CEP126: variants seen among roughly 807,000 people sequenced by gnomAD.
The protein encoded by CEP126 is centrosomal protein 126.
In CEP126, 74 loss-of-function variants were observed where a neutral mutation model predicts 107.8. That is an observed-to-expected ratio of 0.69 (90% CI 0.57 to 0.83). The LOEUF is 0.83. Among genes scored for constraint, CEP126 ranks in the 40% least tolerant of loss-of-function variants. The pLI is 0.00. For synonymous variants in CEP126, 449 were observed against 446.0 expected (o/e 1.01, Z -0.08); for missense variants, 1,237 against 1,281.9 (o/e 0.96, Z 0.53).
chr11:101,994,041 C>T (rs1387627153), intron 10 of CEP126, among the ~76,000 whole-genome samples: 2 of 152,132 alleles, frequency 1.3e-5, no homozygotes, highest in Non-Finnish European at 1.5e-5. Context: ...CGAGACCAGC[C>T]TGGCCAACAT....
intron 2 of CEP126, among the ~76,000 whole-genome samples, chr11:101,927,091 C>G (rs1190917733): frequency 6.6e-6 from 1 of 152,146 alleles, no homozygotes; most frequent in Non-Finnish European, 1.5e-5. Flanking sequence ...TACTTGAGGT[C>G]AGGAGTTCAA....
At chr11:101,926,721 T>C (rs1299541614) in intron 2 of CEP126, among the ~76,000 whole-genome samples, 1 of 152,222 alleles carries the variant, frequency 6.6e-6, no homozygotes, top group Non-Finnish European at 1.5e-5. Flanking sequence ...AGAAATGGAA[T>C]TCTTGTAGAT....
At chr11:101,971,021 G>T (rs1247926335) in intron 6 of CEP126, among the ~76,000 whole-genome samples, 1 of 152,084 alleles carries the variant, frequency 6.6e-6, no homozygotes, top group Non-Finnish European at 1.5e-5. Context: ...TGTCACCCGG[G>T]CTGGAGTGTG....
chr11:101,978,757 A>G (rs1016839329), intron 7 of CEP126, among the ~76,000 whole-genome samples: 2 of 152,194 alleles, frequency 1.3e-5, no homozygotes, highest in African/African-American at 4.8e-5. Context: ...GAGGTCATTC[A>G]CAACAAAATT....
At chr11:101,944,590 G>T (rs555060813) in intron 3 of CEP126, among the ~76,000 whole-genome samples, 180 bp downstream of exon 3, 1 of 152,296 alleles carries the variant, frequency 6.6e-6, no homozygotes, top group East Asian at 1.9e-4. Flanking sequence ...TTAATTGAGA[G>T]AATATTGTTG....
intron 6 of CEP126, among the ~76,000 whole-genome samples, chr11:101,970,353 A>G (rs1941110990): frequency 6.6e-6 from 1 of 152,192 alleles, no homozygotes; most frequent in South Asian, 2.1e-4. Flanking sequence ...CACAATAAAA[A>G]TGCATTTTCT....
chr11:101,991,193 TAAAC>T (rs535319518), intron 9 of CEP126, among the ~76,000 whole-genome samples: 56 of 151,944 alleles, frequency 3.7e-4, no homozygotes, highest in East Asian at 3.5e-3. Flanking sequence ...AATAAATAAA[TAAAC>T]AAACAGCTCA....
At chr11:101,964,647 A>G (rs966719869) in intron 6 of CEP126, among the ~76,000 whole-genome samples, 3 of 141,238 alleles carry the variant, frequency 2.1e-5, no homozygotes, top group Admixed American at 2.1e-4. Context: ...TAAAAAAAAA[A>G]AACAACAACA....
At chr11:101,995,079 T>G (rs551163233) in intron 10 of CEP126, among the ~76,000 whole-genome samples, 111 of 152,284 alleles carry the variant, frequency 7.3e-4, no homozygotes, top group African/African-American at 2.4e-3. Flanking sequence ...TGTGTCCATG[T>G]GTTCTCATTG....
intron 2 of CEP126, among the ~76,000 whole-genome samples, chr11:101,924,394 A>C (rs977024423): frequency 3.9e-5 from 6 of 151,950 alleles, no homozygotes; most frequent in Non-Finnish European, 7.4e-5. Flanking sequence ...GTCCACTTAC[A>C]TTGTGGTCAC....
In CEP126 at chr11:101,969,345, T is replaced by A. The variant is rs546023708; in HGVS notation, c.2845+5465T>A. 2.1e-3 allele frequency among the ~76,000 whole-genome samples: 318 copies of A among 152,284 alleles called. 2 individuals are homozygous for A. The highest frequency in any genetic ancestry group is 6.0e-3 in the South Asian group (29 of 4,824). On this transcript the variant is annotated intron_variant, in intron 6 of 10. Coordinates refer to ENST00000263468, the MANE Select transcript of CEP126 (RefSeq NM_020802.4). ...CAACAATGATACTTTTTAAATAACA[T>A]TTAGAAATGTAAATTCATGGGAATA...
chr11:101,963,989 T>C (rs1941027699), intron 6 of CEP126, 109 bp downstream of exon 6: 2 of 699,574 alleles, frequency 2.9e-6, no homozygotes, highest in South Asian at 4.0e-5. Flanking sequence ...AATATTAATA[T>C]TAAACAATAG....
chr11:101,915,389 G>T lies in CEP126; in HGVS notation c.105G>T (p.Gly35=), dbSNP rs1473005365. ...RAPLGPRESG[G]HHRPGSYLDM... ...CCCTCGGCCCTCGGGAGAGCGGCGG[G>T]CATCACCGACCTGGCTCTTACCTGT... Residue 35 remains glycine (G), a synonymous_variant, in exon 1 of 11, where the codon GGG becomes GGT. Transcript: ENST00000263468. The T allele has an allele frequency of 1.9e-6, 3 of 1,613,486 alleles. No individual in the cohort carries two copies. Among genetic ancestry groups the T allele is most frequent in the Non-Finnish European group, 2.5e-6 (3 of 1,179,830 alleles).
At chr11:101,955,799 C>T in intron 4 of CEP126, 1 of 447,442 alleles carries the variant, frequency 2.2e-6, no homozygotes, top group South Asian at 1.6e-5. Flanking sequence ...CAGATCCATT[C>T]CTGCCTGTCC....
chr11:101,961,063 T>C (rs1334033545), intron 5 of CEP126, among the ~76,000 whole-genome samples: 1 of 152,114 alleles, frequency 6.6e-6, no homozygotes, highest in Non-Finnish European at 1.5e-5. Flanking sequence ...ACTACTATGC[T>C]AAACCTCCAA....
intron 4 of CEP126, chr11:101,956,140 T>TCC (rs1391531974): frequency 2.2e-6 from 1 of 456,442 alleles, no homozygotes; most frequent in Non-Finnish European, 4.4e-6. Context: ...CTCCAATCAT[T>TCC]CCTGACCCTG....
At chr11:101,927,672 G>A (rs1940433209) in intron 2 of CEP126, among the ~76,000 whole-genome samples, 1 of 152,062 alleles carries the variant, frequency 6.6e-6, no homozygotes, top group African/African-American at 2.4e-5. Flanking sequence ...AACCTTTGAG[G>A]ATTGACTTTT....
At position 101,987,012 on chromosome 11, in the gene CEP126, C is replaced by T. The variant is rs2137131490; in HGVS notation, c.3215C>T (p.Ser1072Phe). The change falls in exon 9 of 11, where the codon TCC (serine) becomes TTC (phenylalanine). Residue 1072 changes from serine (S) to phenylalanine (F), a missense_variant. Coordinates refer to ENST00000263468, the MANE Select transcript of CEP126 (RefSeq NM_020802.4). ...LSAEEQKILESLNDLSERLHY... is the reference protein window; with the variant it reads ...LSAEEQKILEFLNDLSERLHY... Reference sequence around the variant, plus strand: ...GCTGAAGAACAGAAGATCCTAGAGTCCCTTAATGATCTCAGTGAAAGACTA... The same window carrying T: ...GCTGAAGAACAGAAGATCCTAGAGTTCCTTAATGATCTCAGTGAAAGACTA... 6.2e-7 allele frequency: 1 copy of T among 1,611,952 alleles called. No individual in the cohort carries two copies. The highest frequency in any genetic ancestry group is 2.2e-5 in the East Asian group (1 of 44,778).
chr11:101,997,927 T>G lies in CEP126; in HGVS notation c.*284T>G. The stretch of plus-strand genomic sequence containing the variant: ...ATACATGCCACAAGGATGAAGCTTG[T>G]GAGTAGAGCAAACAAACGTTTTTCC... On this transcript the variant is annotated 3_prime_UTR_variant, in exon 11 of 11. Transcript: ENST00000263468. The G allele has an allele frequency of 3.2e-6, 1 of 317,416 alleles. No individual in the cohort carries two copies. Among genetic ancestry groups the G allele is most frequent in the Non-Finnish European group, 5.8e-6 (1 of 173,064 alleles). 19.7% of individuals were successfully genotyped at this position (317,416 alleles called of 1,614,324 possible).
Sources: allele counts gnomAD v4.1 joint callset (sites outside exome capture counted in the v4.1 genomes callset), GRCh38; gene constraint gnomAD v4.1.1; transcripts MANE v1.5; gene names NCBI Gene and HGNC (gene_info 2026-07-23, HGNC 2026-07-21).